TAFA1: variants seen among roughly 807,000 people sequenced by gnomAD.
The protein encoded by TAFA1 is chemokine-like protein TAFA-1.
TAFA1 carries 4 observed loss-of-function variants against 18.5 expected under a neutral mutation model. The ratio of observed to expected loss-of-function variants is 0.22; its 90% CI spans 0.11 to 0.49. TAFA1 has a LOEUF of 0.49. Ranked by LOEUF, TAFA1 falls within the 20% of genes least tolerant of loss-of-function variation. TAFA1 has a pLI of 0.98. For missense variants in TAFA1, 147 were observed against 169.0 expected (o/e 0.87, Z 0.72); for synonymous variants, 56 against 55.2 (o/e 1.01, Z -0.06).
intron 2 of TAFA1, among the ~76,000 whole-genome samples, chr3:68,193,001 A>G (rs73834884): frequency 0.046 from 6,924 of 151,868 alleles, 187 homozygotes; most frequent in East Asian, 0.091. Context: ...TTTGAGCCCA[A>G]TGGTGGGCAT....
chr3:68,488,203 A>G (rs1425426483), intron 3 of TAFA1, among the ~76,000 whole-genome samples: 1 of 152,232 alleles, frequency 6.6e-6, no homozygotes, highest in Non-Finnish European at 1.5e-5. Context: ...CTGAGGAACA[A>G]GGAAGCCAGT....
chr3:68,533,681 G>T (rs1019170734), intron 3 of TAFA1, among the ~76,000 whole-genome samples: 1 of 152,110 alleles, frequency 6.6e-6, no homozygotes, highest in Admixed American at 6.6e-5. Flanking sequence ...GGAGAGGATC[G>T]ATTTCTACTC....
At chr3:68,544,114 T>C (rs1196120325) in intron 4 of TAFA1, among the ~76,000 whole-genome samples, 1 of 152,014 alleles carries the variant, frequency 6.6e-6, no homozygotes, top group East Asian at 1.9e-4. Context: ...TAAAAATTAT[T>C]AATAATCTCA....
At chr3:68,100,012 G>A (rs1055571486) in intron 2 of TAFA1, among the ~76,000 whole-genome samples, 3 of 152,206 alleles carry the variant, frequency 2.0e-5, no homozygotes, top group Admixed American at 2.0e-4. Context: ...GGGAGGGAGG[G>A]AGAGGGACAA....
intron 2 of TAFA1, among the ~76,000 whole-genome samples, chr3:68,327,916 T>C (rs1163372226): frequency 6.6e-6 from 1 of 152,168 alleles, no homozygotes; most frequent in Non-Finnish European, 1.5e-5. Flanking sequence ...CTCCAAACCC[T>C]TGAGTTCTTA....
chr3:68,308,214 A>C (rs930425442), intron 2 of TAFA1, among the ~76,000 whole-genome samples: 4 of 152,190 alleles, frequency 2.6e-5, no homozygotes, highest in African/African-American at 9.7e-5. Flanking sequence ...TGTCTTATAT[A>C]CACTGCTTGA....
Position 68,398,718 on chromosome 3 carries a change from A to G in TAFA1, c.119-18562A>G, listed in dbSNP as rs368947864. ...GTTATTTCATTACGAACATTAACTTACGTAAATGTTTCTTCAGGGAACTGA... is the reference window on the plus strand; with the variant it reads ...GTTATTTCATTACGAACATTAACTTGCGTAAATGTTTCTTCAGGGAACTGA... On this transcript the variant is annotated intron_variant, in intron 2 of 4. Transcript: ENST00000478136. Among the ~76,000 whole-genome samples, 79 of 152,284 alleles carry G rather than the reference A, an allele frequency of 5.2e-4. 1 individual carries two copies. In the South Asian group the frequency reaches 0.015, roughly 30 times the overall value.
chr3:68,243,342 ATGTGTGTG>A (rs143213306), intron 2 of TAFA1, among the ~76,000 whole-genome samples: 1 of 151,500 alleles, frequency 6.6e-6, no homozygotes, highest in Non-Finnish European at 1.5e-5. Context: ...ACTCATTTGC[ATGTGTGTG>A]TGTGTAGATC....
At chr3:68,271,240 C>T (rs1196867165) in intron 2 of TAFA1, among the ~76,000 whole-genome samples, 3 of 152,088 alleles carry the variant, frequency 2.0e-5, no homozygotes, top group African/African-American at 7.2e-5. Context: ...TCCTCCAGGC[C>T]TATTTTCCTC....
rs367855121 is a variant in TAFA1, at chr3:68,485,129, C to T, written c.260-53627C>T. Among the ~76,000 whole-genome samples the T allele has an allele frequency of 6.6e-5, 10 of 152,210 alleles. No individual in the cohort carries two copies. In the South Asian group the frequency reaches 2.1e-3, roughly 32 times the overall value. ...GTCTCCAGCCTCTGGGGCCTCTAAT[C>T]CACCCAGAACAAATAACTGTCTTTT... On this transcript the variant is annotated intron_variant, in intron 3 of 4. Coordinates refer to ENST00000478136, the MANE Select transcript of TAFA1 (RefSeq NM_213609.4).
chr3:68,296,211 T>G (rs1310754240), intron 2 of TAFA1, among the ~76,000 whole-genome samples: 1 of 152,124 alleles, frequency 6.6e-6, no homozygotes, highest in African/African-American at 2.4e-5. Context: ...CTCGTGACTT[T>G]TTGTTTCGGT....
At chr3:68,291,377 C>T (rs900482266) in intron 2 of TAFA1, among the ~76,000 whole-genome samples, 1 of 151,926 alleles carries the variant, frequency 6.6e-6, no homozygotes, top group Non-Finnish European at 1.5e-5. Flanking sequence ...TTTACATGCC[C>T]AGTGCTTTGT....
chr3:68,062,883 G>C (rs1237210006), intron 2 of TAFA1, among the ~76,000 whole-genome samples: 1 of 152,202 alleles, frequency 6.6e-6, no homozygotes, highest in Non-Finnish European at 1.5e-5. Flanking sequence ...GACACCAAAA[G>C]CTCTCAAAAG....
At chr3:68,503,043 C>T (rs182103808) in intron 3 of TAFA1, among the ~76,000 whole-genome samples, 1 of 152,260 alleles carries the variant, frequency 6.6e-6, no homozygotes, top group Non-Finnish European at 1.5e-5. Flanking sequence ...ATCCAAAAAT[C>T]CATAATCTGA....
intron 3 of TAFA1, among the ~76,000 whole-genome samples, chr3:68,488,948 A>G (rs1271827345): frequency 1.3e-5 from 2 of 152,176 alleles, no homozygotes; most frequent in Non-Finnish European, 2.9e-5. Flanking sequence ...ACCGACATTT[A>G]TTATGCACTT....
At chr3:68,165,550 T>C (rs537335646) in intron 2 of TAFA1, among the ~76,000 whole-genome samples, 1 of 152,348 alleles carries the variant, frequency 6.6e-6, no homozygotes, top group East Asian at 1.9e-4. Flanking sequence ...TCTGCAGATA[T>C]AAAAGGCAAA....
chr3:68,408,047 A>G (rs2070643739), intron 2 of TAFA1, among the ~76,000 whole-genome samples: 1 of 152,158 alleles, frequency 6.6e-6, no homozygotes, highest in Non-Finnish European at 1.5e-5. Context: ...GACATCCACT[A>G]TGATGAATTC....
rs1210671974 is a variant in TAFA1, at chr3:68,450,017, G to GT, written c.259+32603dup. Among the ~76,000 whole-genome samples, 13 of 152,142 alleles carry GT rather than the reference G, an allele frequency of 8.5e-5. No individual in the cohort carries two copies. In the South Asian group the frequency reaches 1.9e-3, roughly 22 times the overall value. ...AGGCTGCCAGACTCATGGAAAATGG[G>GT]TTTTTTGGGACAGAACTGGAGGCAG... is the stretch of plus-strand genomic sequence containing the variant. On this transcript the variant is annotated intron_variant, in intron 3 of 4. Coordinates refer to ENST00000478136, the MANE Select transcript of TAFA1 (RefSeq NM_213609.4).
chr3:68,113,472 T>C (rs1444818465), intron 2 of TAFA1, among the ~76,000 whole-genome samples: 2 of 152,084 alleles, frequency 1.3e-5, no homozygotes, highest in Non-Finnish European at 2.9e-5. Flanking sequence ...GAAAATAAAA[T>C]ATGGGAGAAT....
Sources: gnomAD v4.1 joint callset for allele counts (sites outside exome capture counted in the v4.1 genomes callset) on GRCh38, gnomAD v4.1.1 for gene constraint, MANE v1.5 for transcripts, NCBI Gene and HGNC (gene_info 2026-07-23, HGNC 2026-07-21) for gene names.